The following TRMO variants were observed in gnomAD, a reference collection of about 807,000 sequenced individuals.
The protein encoded by TRMO is tRNA (adenine(37)-N6)-methyltransferase.
Under a neutral mutation model 37.2 loss-of-function variants are expected in TRMO, and 30 were observed. The ratio of observed to expected loss-of-function variants is 0.81; its 90% CI spans 0.60 to 1.09. The LOEUF is 1.09. TRMO is among the 50% of genes least tolerant of loss of function. TRMO has a pLI of 0.00. For missense variants in TRMO, 552 were observed against 549.5 expected, an observed-to-expected ratio of 1.00 and a Z score of -0.05; for synonymous variants, 239 against 199.4, an observed-to-expected ratio of 1.20 and a Z score of -1.67.
chr9:97,912,989 A>G (rs1270178354), intron 3 of TRMO: 1 of 1,170,098 alleles, frequency 8.5e-7, no homozygotes, highest in South Asian at 1.3e-5. Flanking sequence ...CAAGGAAGGA[A>G]TGATATACCA....
At chr9:97,902,106 C>T (rs1009993076), downstream of TRMO, among the ~76,000 whole-genome samples, 1 of 152,128 alleles carries the variant, frequency 6.6e-6, no homozygotes, top group Non-Finnish European at 1.5e-5. Context: ...GCAGAGCTGT[C>T]GGAGGACAGA....
At chr9:97,898,564 TTTTG>T in the TRMO span, among the ~76,000 whole-genome samples, 1 of 152,076 alleles carries the variant, frequency 6.6e-6, no homozygotes, top group African/African-American at 2.4e-5. Context: ...CCAAAAAAAA[TTTTG>T]TTTTAGAGAC....
At chr9:97,912,690 T>C (rs938367850) in intron 3 of TRMO, 3 of 315,436 alleles carry the variant, frequency 9.5e-6, no homozygotes, top group Non-Finnish European at 1.9e-5. Flanking sequence ...CCTTCTCCTT[T>C]GCCCACTTCA....
intron 1 of TRMO, among the ~76,000 whole-genome samples, chr9:97,917,788 C>T (rs1023915860): frequency 1.3e-4 from 19 of 151,950 alleles, no homozygotes; most frequent in African/African-American, 3.1e-4. Flanking sequence ...AAGCGACTCT[C>T]GTGCCTCAGT....
intron 3 of TRMO, chr9:97,911,174 G>C: frequency 4.4e-6 from 1 of 225,134 alleles, no homozygotes; most frequent in East Asian, 1.4e-4. Context: ...TTCCCCTTGA[G>C]TGTGACTGGC....
At chr9:97,918,123 G>A (rs1170528046) in intron 1 of TRMO, among the ~76,000 whole-genome samples, 1 of 151,334 alleles carries the variant, frequency 6.6e-6, no homozygotes, top group East Asian at 1.9e-4. Flanking sequence ...GCTCACGCCT[G>A]TAATCCCAAC....
intron 4 of TRMO, among the ~76,000 whole-genome samples, chr9:97,908,373 T>C (rs1032427882): frequency 2.5e-4 from 36 of 144,818 alleles, no homozygotes; most frequent in South Asian, 6.4e-4. Context: ...GATCGAGCCA[T>C]TGCACTCCAG....
chr9:97,922,365 C>A, intron 1 of TRMO, 53 bp downstream of exon 1: 36 of 1,273,368 alleles, frequency 2.8e-5, no homozygotes, highest in Non-Finnish European at 3.9e-5. Flanking sequence ...ACGAAGTCCG[C>A]TGCCTGGGCC....
chr9:97,920,157 T>TAA (rs1826560581), intron 1 of TRMO, among the ~76,000 whole-genome samples: 1 of 152,212 alleles, frequency 6.6e-6, no homozygotes, highest in Non-Finnish European at 1.5e-5. Context: ...ACCATTTTGG[T>TAA]AAGCACTGTG....
At chr9:97,909,876 A>G (rs1826027308) in intron 4 of TRMO, 84 bp downstream of exon 4, 1 of 1,014,698 alleles carries the variant, frequency 9.9e-7, no homozygotes. Context: ...AACACTCCAC[A>G]TACCTGCCTT....
downstream of TRMO, among the ~76,000 whole-genome samples, chr9:97,904,030 C>T (rs574659594): frequency 2.0e-5 from 3 of 151,908 alleles, no homozygotes; most frequent in Non-Finnish European, 4.4e-5. Context: ...TGCAGTGAGC[C>T]GAGATCACGC....
chr9:97,898,838 C>CT, the TRMO span, among the ~76,000 whole-genome samples: 38 of 89,054 alleles, frequency 4.3e-4, no homozygotes, highest in South Asian at 7.9e-4. Flanking sequence ...TATATATATA[C>CT]TTTTTTTTTT....
At chr9:97,921,134 ACAAAGTT>A (rs1010044603) in intron 1 of TRMO, among the ~76,000 whole-genome samples, 3 of 152,260 alleles carry the variant, frequency 2.0e-5, no homozygotes, top group Non-Finnish European at 2.9e-5. Flanking sequence ...AAGAAATTTA[ACAAAGTT>A]CAAACTTTAG....
chr9:97,900,668 C>A, downstream of TRMO: 1 of 552,104 alleles, frequency 1.8e-6, no homozygotes, highest in Non-Finnish European at 2.3e-6. Flanking sequence ...GTTACTCAAC[C>A]TCCACCCAAT....
At chr9:97,915,116 T>C (rs1188808546) in intron 2 of TRMO, among the ~76,000 whole-genome samples, 1 of 152,156 alleles carries the variant, frequency 6.6e-6, no homozygotes, top group Non-Finnish European at 1.5e-5. Context: ...TCTCTACCAA[T>C]AAAAATAGAC....
intron 2 of TRMO, among the ~76,000 whole-genome samples, chr9:97,915,230 C>T (rs1302032939): frequency 6.6e-6 from 1 of 152,142 alleles, no homozygotes; most frequent in Non-Finnish European, 1.5e-5. Context: ...ATAGGTAACA[C>T]TTAAAGTATC....
At chr9:97,906,924 C>T (rs900307028) in intron 4 of TRMO, among the ~76,000 whole-genome samples, 12 of 151,748 alleles carry the variant, frequency 7.9e-5, no homozygotes, top group South Asian at 2.1e-4. Flanking sequence ...TAGACAATAA[C>T]CACAGGACAA....
chr9:97,919,362 G>GA (rs1031619832), intron 1 of TRMO, among the ~76,000 whole-genome samples: 11 of 76,546 alleles, frequency 1.4e-4, no homozygotes, highest in South Asian at 7.2e-4. Context: ...ACAAAGAGAA[G>GA]AAAAAAAAAA....
At chr9:97,898,304 T>C in the TRMO span, among the ~76,000 whole-genome samples, 2 of 151,718 alleles carry the variant, frequency 1.3e-5, no homozygotes. Flanking sequence ...TGCTGGAGAG[T>C]CATTTTATGA....
Sources: allele counts gnomAD v4.1 joint callset (sites outside exome capture counted in the v4.1 genomes callset), GRCh38; gene constraint gnomAD v4.1.1; transcripts MANE v1.5; gene names NCBI Gene and HGNC (gene_info 2026-07-23, HGNC 2026-07-21).